Variants in GABRB1 observed in about 807,000 individuals in gnomAD.
GABRB1 encodes the protein gamma-aminobutyric acid receptor subunit beta-1.
In GABRB1, 17 loss-of-function variants were observed where a neutral mutation model predicts 51.6. The observed-to-expected ratio is 0.33, with a 90% CI of 0.23 to 0.49. The LOEUF is 0.49. Among genes scored for constraint, GABRB1 ranks in the 20% least tolerant of loss-of-function variants. The pLI, the probability that GABRB1 is intolerant of heterozygous loss-of-function variation, is 0.99. For synonymous variants in GABRB1, 247 were observed against 218.9 expected (o/e 1.13, Z -1.14); for missense variants, 410 against 600.6 (o/e 0.68, Z 3.32).
rs76479028 is a variant in GABRB1, at chr4:47,119,269, C to A, written c.241-41980C>A. 0.011 allele frequency among the ~76,000 whole-genome samples: 1,731 copies of A among 151,748 alleles called. 148 individuals are homozygous for A. The East Asian group carries it at 0.23, about 20-fold the overall frequency. ...AAATTATATTTTTATTCATATTATA[C>A]CCCAAATAAATTTCAGATATACATA... is the stretch of plus-strand genomic sequence containing the variant. On this transcript the variant is annotated intron_variant, in intron 3 of 8. Transcript: ENST00000295454.
intron 4 of GABRB1, among the ~76,000 whole-genome samples, chr4:47,241,243 CT>C (rs1560292876): frequency 6.6e-6 from 1 of 151,386 alleles, no homozygotes; most frequent in African/African-American, 2.4e-5. Flanking sequence ...TTACAATTTT[CT>C]TTTTTTTCCG....
chr4:47,324,744 G>A (rs1040956635), intron 5 of GABRB1, among the ~76,000 whole-genome samples: 1 of 152,210 alleles, frequency 6.6e-6, no homozygotes, highest in Non-Finnish European at 1.5e-5. Context: ...TGGCATGTCT[G>A]TTTTGATGTT....
chr4:47,057,624 T>C (rs557034510), intron 3 of GABRB1, among the ~76,000 whole-genome samples: 1 of 152,208 alleles, frequency 6.6e-6, no homozygotes, highest in Non-Finnish European at 1.5e-5. Flanking sequence ...GATCTGTCAG[T>C]ATCTCCTACT....
At chr4:47,061,563 A>T (rs1020461782) in intron 3 of GABRB1, among the ~76,000 whole-genome samples, 7 of 152,204 alleles carry the variant, frequency 4.6e-5, no homozygotes, top group Non-Finnish European at 1.0e-4. Context: ...CTATTAACTT[A>T]GCAGATTCTC....
At chr4:47,333,194 T>TATA (rs1725556979) in intron 5 of GABRB1, among the ~76,000 whole-genome samples, 4 of 113,200 alleles carry the variant, frequency 3.5e-5, no homozygotes, top group African/African-American at 6.3e-5. Context: ...CCCATTTTAT[T>TATA]TATATATATA....
intron 8 of GABRB1, among the ~76,000 whole-genome samples, chr4:47,415,920 G>C (rs936914795): frequency 1.3e-5 from 2 of 152,036 alleles, no homozygotes; most frequent in Admixed American, 1.3e-4. Context: ...AGAGCTCAGA[G>C]AGATGACTCA....
At chr4:47,188,536 T>C (rs1000314109) in intron 4 of GABRB1, among the ~76,000 whole-genome samples, 10 of 151,942 alleles carry the variant, frequency 6.6e-5, no homozygotes, top group African/African-American at 2.2e-4. Flanking sequence ...TTCTTATATA[T>C]AAAAACACAT....
chr4:47,411,126 T>C (rs151073437), intron 8 of GABRB1, among the ~76,000 whole-genome samples: 3 of 152,272 alleles, frequency 2.0e-5, no homozygotes, highest in African/African-American at 7.2e-5. Context: ...GAAAAACATT[T>C]GTCAACAGAA....
intron 1 of GABRB1, among the ~76,000 whole-genome samples, chr4:47,026,511 GC>G (rs1333005057): frequency 6.6e-6 from 1 of 151,748 alleles, no homozygotes; most frequent in Admixed American, 6.6e-5. Context: ...GATATAAATG[GC>G]AACACTTTTT....
At chr4:47,109,921 A>G (rs1715146915) in intron 3 of GABRB1, among the ~76,000 whole-genome samples, 1 of 152,152 alleles carries the variant, frequency 6.6e-6, no homozygotes, top group Non-Finnish European at 1.5e-5. Context: ...AAAATGGAAC[A>G]ATCAGAAGCA....
At chr4:47,052,049 G>C (rs1313352278) in intron 3 of GABRB1, among the ~76,000 whole-genome samples, 5 of 152,110 alleles carry the variant, frequency 3.3e-5, no homozygotes, top group African/African-American at 7.2e-5. Context: ...GAATCTGCTT[G>C]AACCCAGGAG....
chr4:47,236,538 A>T (rs966450611), intron 4 of GABRB1, among the ~76,000 whole-genome samples: 2 of 152,206 alleles, frequency 1.3e-5, no homozygotes, highest in African/African-American at 4.8e-5. Context: ...TTACTAATGC[A>T]AAAGCTGGCA....
intron 3 of GABRB1, 72 bp from the exon 4 acceptor site, chr4:47,161,177 T>C: frequency 2.0e-6 from 2 of 1,015,240 alleles, no homozygotes; most frequent in Non-Finnish European, 2.9e-6. Context: ...CAGGACATCC[T>C]ACATGTTATT....
rs967665858 is a variant in GABRB1, at chr4:47,426,316, G to A, written c.*298G>A. 1 of 214,590 alleles carries A rather than the reference G, an allele frequency of 4.7e-6. No homozygotes were observed. The highest frequency in any genetic ancestry group is 9.0e-6 in the Non-Finnish European group (1 of 110,660). 13.3% of individuals were successfully genotyped at this position (214,590 alleles called of 1,614,324 possible). A position where few individuals can be genotyped will look rare whatever the true frequency, so the allele number is the denominator to read the frequency against. ...AAGTTAGACAGGTAGATCTTTAGCA[G>A]TCTTTTCTAGTTTCCCTGGATTTCA... On this transcript the variant is annotated 3_prime_UTR_variant, in exon 9 of 9. Transcript: ENST00000295454.
At chr4:47,116,858 A>G (rs1344147750) in intron 3 of GABRB1, among the ~76,000 whole-genome samples, 1 of 152,156 alleles carries the variant, frequency 6.6e-6, no homozygotes, top group Non-Finnish European at 1.5e-5. Flanking sequence ...ACTTACAATC[A>G]TGGCAGAAGG....
At chr4:47,288,198 C>G (rs765106382) in intron 4 of GABRB1, among the ~76,000 whole-genome samples, 31 of 151,938 alleles carry the variant, frequency 2.0e-4, no homozygotes, top group Non-Finnish European at 2.8e-4. Flanking sequence ...TCTGCACCAC[C>G]CACAAGATTG....
At chr4:47,251,001 T>C (rs1479952225) in intron 4 of GABRB1, among the ~76,000 whole-genome samples, 2 of 152,196 alleles carry the variant, frequency 1.3e-5, no homozygotes, top group Non-Finnish European at 2.9e-5. Context: ...GTATTATTTC[T>C]TGGGGGGGTG....
intron 4 of GABRB1, among the ~76,000 whole-genome samples, chr4:47,265,961 T>C (rs986493000): frequency 2.0e-5 from 3 of 152,170 alleles, no homozygotes; most frequent in African/African-American, 7.2e-5. Flanking sequence ...GTCACATTTG[T>C]CTACTTTGTT....
At chr4:47,282,058 AG>A (rs569746589) in intron 4 of GABRB1, among the ~76,000 whole-genome samples, 251 of 152,212 alleles carry the variant, frequency 1.6e-3, no homozygotes, top group African/African-American at 5.8e-3. Flanking sequence ...CATTAAAAAA[AG>A]ATGAATTGTT....
Sources: gnomAD v4.1 joint callset for allele counts (sites outside exome capture counted in the v4.1 genomes callset) on GRCh38, gnomAD v4.1.1 for gene constraint, MANE v1.5 for transcripts, NCBI Gene and HGNC (gene_info 2026-07-23, HGNC 2026-07-21) for gene names.